The following AFF2 variants were observed in gnomAD, a reference collection of about 807,000 sequenced individuals.
AFF2 encodes ALF transcription elongation factor 2, also known as AF4/FMR2 family member 2.
In AFF2, 14 loss-of-function variants were observed where a neutral mutation model predicts 76.9. That is an observed-to-expected ratio of 0.18 (90% CI 0.12 to 0.28). AFF2 has a LOEUF of 0.28. Ranked by LOEUF, AFF2 falls within the 10% of genes least tolerant of loss-of-function variation. The pLI is 1.00. For synonymous variants in AFF2, 398 were observed against 366.7 expected (o/e 1.09, Z -0.98); for missense variants, 868 against 1,001.1 (o/e 0.87, Z 1.79).
chrX:148,742,701 T>G (rs2055371085), intron 3 of AFF2, among the ~76,000 whole-genome samples: 1 of 111,899 alleles, frequency 8.9e-6, no homozygotes. Flanking sequence ...AGAACGATAT[T>G]TGCTGTAAAA....
At chrX:148,618,348 A>G (rs1171203235) in intron 1 of AFF2, among the ~76,000 whole-genome samples, 2 of 111,273 alleles carry the variant, frequency 1.8e-5, no homozygotes, top group Non-Finnish European at 3.8e-5. Context: ...TCATGGTGGA[A>G]AGGGAAACAA....
intron 3 of AFF2, among the ~76,000 whole-genome samples, chrX:148,745,782 G>A (rs782694262): frequency 6.6e-4 from 73 of 110,381 alleles, no homozygotes; most frequent in African/African-American, 2.1e-3. Context: ...TGACTCTGTC[G>A]CCAACGCTGG....
At chrX:148,947,519 T>C (rs1166871710) in intron 9 of AFF2, among the ~76,000 whole-genome samples, 1 of 111,866 alleles carries the variant, frequency 8.9e-6, no homozygotes. Flanking sequence ...TATTTCTGCA[T>C]ACACTATTTG....
At chrX:148,782,529 G>T (rs2069758119) in intron 3 of AFF2, among the ~76,000 whole-genome samples, 1 of 111,918 alleles carries the variant, frequency 8.9e-6, no homozygotes, top group Non-Finnish European at 1.9e-5. Context: ...TAGCAGGATG[G>T]TTTTTCCCAT....
At chrX:148,766,963 A>G (rs1459803247) in intron 3 of AFF2, among the ~76,000 whole-genome samples, 1 of 110,871 alleles carries the variant, frequency 9.0e-6, no homozygotes, top group Admixed American at 9.7e-5. Flanking sequence ...TTGTATTTTT[A>G]TTTGTTTGGT....
chrX:148,833,083 C>T (rs782486353), intron 4 of AFF2, among the ~76,000 whole-genome samples: 89 of 110,894 alleles, frequency 8.0e-4, no homozygotes, highest in African/African-American at 2.8e-3. Flanking sequence ...ATAATGATAG[C>T]CTGTAAAAGG....
chrX:148,927,129 A>G (rs1557283861), intron 9 of AFF2, among the ~76,000 whole-genome samples: 1 of 111,896 alleles, frequency 8.9e-6, no homozygotes, highest in Non-Finnish European at 1.9e-5. Context: ...TTTACAATTT[A>G]TCCAGAAAGC....
intron 1 of AFF2, among the ~76,000 whole-genome samples, chrX:148,643,500 T>C (rs782714421): frequency 1.8e-5 from 2 of 111,892 alleles, no homozygotes; most frequent in Non-Finnish European, 3.8e-5. Flanking sequence ...TATGAAGTGA[T>C]AGTGAAGCCT....
At chrX:148,513,920 T>C (rs1200800695) in intron 1 of AFF2, among the ~76,000 whole-genome samples, 1 of 111,074 alleles carries the variant, frequency 9.0e-6, no homozygotes, top group Non-Finnish European at 1.9e-5. Flanking sequence ...TCATGGCTCA[T>C]GGTATTTCTC....
At chrX:148,890,016 G>A (rs2071204597) in intron 8 of AFF2, among the ~76,000 whole-genome samples, 1 of 111,785 alleles carries the variant, frequency 8.9e-6, no homozygotes, top group African/African-American at 3.3e-5. Context: ...CATTCTTTGA[G>A]ATGCTACATA....
Position 148,708,671 on chromosome X carries a change from G to A in AFF2, c.1041+45903G>A, listed in dbSNP as rs182852115. On this transcript the variant is annotated intron_variant, in intron 3 of 20. Transcript: ENST00000370460. ...GGAGGTTGCAGTGAGCCAAGATCGCGCCACCGCACTCCAGCCTGGGTGATA... is the reference window on the plus strand; with the variant it reads ...GGAGGTTGCAGTGAGCCAAGATCGCACCACCGCACTCCAGCCTGGGTGATA... 1.3e-4 allele frequency among the ~76,000 whole-genome samples: 14 copies of A among 111,908 alleles called. No individual in the cohort carries two copies. The Admixed American group carries it at 1.3e-3, about 11-fold the overall frequency.
intron 20 of AFF2, among the ~76,000 whole-genome samples, chrX:148,990,299 G>A (rs1428243233): frequency 2.7e-5 from 3 of 111,640 alleles, no homozygotes; most frequent in African/African-American, 9.8e-5. Flanking sequence ...AGCATCCCAC[G>A]TTAGGGCAGT....
At chrX:148,787,784 T>A (rs1213298208) in intron 3 of AFF2, among the ~76,000 whole-genome samples, 3 of 112,172 alleles carry the variant, frequency 2.7e-5, no homozygotes, top group Admixed American at 1.9e-4. Context: ...TCAGTTGCAG[T>A]AAATCACAGA....
At position 148,856,056 on chromosome X, in the gene AFF2, C is replaced by T. The variant is rs782335921; in HGVS notation, c.1262+12623C>T. ...CCAGAGGTCTCCAGTTGGAGAAAGA[C>T]CTCTCCAGAAAGAGCAAACCTGGAC... On this transcript the variant is annotated intron_variant, in intron 7 of 20. Coordinates refer to ENST00000370460, the MANE Select transcript of AFF2 (RefSeq NM_002025.4). 3.6e-5 allele frequency among the ~76,000 whole-genome samples: 4 copies of T among 111,380 alleles called. No individual in the cohort carries two copies. The East Asian group carries it at 1.1e-3, about 31-fold the overall frequency.
At chrX:148,709,139 C>G (rs2124525898) in intron 3 of AFF2, among the ~76,000 whole-genome samples, 1 of 111,267 alleles carries the variant, frequency 9.0e-6, no homozygotes, top group Non-Finnish European at 1.9e-5. Context: ...AAGAAAATTG[C>G]TTTCTGCTGT....
chrX:148,543,122 T>C (rs1400991117), intron 1 of AFF2, among the ~76,000 whole-genome samples: 1 of 110,146 alleles, frequency 9.1e-6, no homozygotes, highest in Non-Finnish European at 1.9e-5. Flanking sequence ...CAAAAGGGGG[T>C]CCATGGAACA....
chrX:148,967,539 T>A (rs924058899), intron 14 of AFF2, 90 bp from the exon 15 acceptor site: 3 of 884,700 alleles, frequency 3.4e-6, no homozygotes, highest in Non-Finnish European at 4.9e-6. Flanking sequence ...TATATGGGAA[T>A]AAATTTATAG....
At chrX:148,651,496 C>T (rs1183596397) in intron 1 of AFF2, among the ~76,000 whole-genome samples, 1 of 111,878 alleles carries the variant, frequency 8.9e-6, no homozygotes, top group African/African-American at 3.3e-5. Context: ...TGAAAATGCC[C>T]TTAAATTCTC....
intron 1 of AFF2, among the ~76,000 whole-genome samples, chrX:148,598,780 C>T (rs782072327): frequency 8.9e-6 from 1 of 112,328 alleles, no homozygotes; most frequent in Non-Finnish European, 1.9e-5. Flanking sequence ...ATGTCTTGAA[C>T]GATTTCGTTC....
Sources: allele counts gnomAD v4.1 joint callset (sites outside exome capture counted in the v4.1 genomes callset), GRCh38; gene constraint gnomAD v4.1.1; transcripts MANE v1.5; gene names NCBI Gene and HGNC (gene_info 2026-07-23, HGNC 2026-07-21).